USP7: variants seen among roughly 807,000 people sequenced by gnomAD.
USP7 encodes the protein ubiquitin specific peptidase 7.
USP7 carries 9 observed loss-of-function variants against 162.9 expected under a neutral mutation model. That is an observed-to-expected ratio of 0.06 (90% CI 0.03 to 0.10). The LOEUF is 0.10. Ranked by LOEUF, USP7 falls within the 10% of genes least tolerant of loss-of-function variation. The probability of loss-of-function intolerance (pLI) is 1.00; values close to 1 mark genes in which losing one functional copy is unlikely to be tolerated. For missense variants in USP7, 715 were observed against 1,373.7 expected, an observed-to-expected ratio of 0.52 and a Z score of 7.58; for synonymous variants, 562 against 475.9, an observed-to-expected ratio of 1.18 and a Z score of -2.35.
intron 2 of USP7, among the ~76,000 whole-genome samples, chr16:8,927,606 C>A (rs2141224535): frequency 6.6e-6 from 1 of 152,246 alleles, no homozygotes; most frequent in African/African-American, 2.4e-5. Context: ...GAAGCCAAGG[C>A]AGGTGGATCA....
chr16:8,897,238 C>G, intron 25 of USP7, 139 bp from the exon 26 acceptor site: 2 of 659,584 alleles, frequency 3.0e-6, no homozygotes, highest in South Asian at 3.6e-5. Flanking sequence ...CATTCCCACC[C>G]CAACTCCCTC....
intron 8 of USP7, 96 bp from the exon 9 acceptor site, chr16:8,915,621 AGTT>A: frequency 9.3e-7 from 1 of 1,073,464 alleles, no homozygotes; most frequent in Admixed American, 2.4e-5. Context: ...TGTTCAAAGA[AGTT>A]GTAGACTATA....
chr16:8,921,640 T>A (rs1419029814), intron 3 of USP7, among the ~76,000 whole-genome samples: 2 of 152,324 alleles, frequency 1.3e-5, no homozygotes, highest in East Asian at 3.9e-4. Context: ...CCTACAGCCC[T>A]TCAGTGCCAT....
chr16:8,921,397 T>C, intron 3 of USP7, 102 bp from the exon 4 acceptor site: 1 of 1,328,422 alleles, frequency 7.5e-7, no homozygotes, highest in Non-Finnish European at 1.0e-6. Context: ...CATTTATGAT[T>C]TCATTGCTCT....
At chr16:8,952,358 C>G (rs1324588098) in intron 1 of USP7, among the ~76,000 whole-genome samples, 4 of 152,244 alleles carry the variant, frequency 2.6e-5, no homozygotes, top group Non-Finnish European at 5.9e-5. Context: ...GCCACTTGCT[C>G]TGGGTGACCC....
chr16:8,956,840 C>A (rs933621168), intron 1 of USP7, among the ~76,000 whole-genome samples: 3 of 152,114 alleles, frequency 2.0e-5, no homozygotes, highest in Non-Finnish European at 4.4e-5. Context: ...AGAGCCCAGC[C>A]CCCCCGCAGG....
chr16:8,936,804 GAACAGAAGAGGATATTAATGGAAA>G (rs1898763168), intron 1 of USP7: 1 of 1,225,540 alleles, frequency 8.2e-7, no homozygotes, highest in African/African-American at 1.6e-5. Flanking sequence ...GGCAGTCCAG[GAACAGAAGAGGATATTAATGGAAA>G]AACTGGTGAA....
chr16:8,901,233 A>G lies in USP7; in HGVS notation c.2049T>C (p.His683=), dbSNP rs1319108250. ...GATLPKFDKD[H]DVMLFLKMYD... Reference sequence around the variant, plus strand: ...ACATCTTCAAAAATAACATTACATCATCTACAAGGTTAATAAACAAGTTTT... The same window carrying G: ...ACATCTTCAAAAATAACATTACATCGTCTACAAGGTTAATAAACAAGTTTT... The change falls in exon 19 of 31, where the codon CAT becomes CAC. Residue 683 remains histidine, a splice_region_variant and synonymous_variant. Transcript: ENST00000344836. The G allele has an allele frequency of 6.2e-6, 10 of 1,608,930 alleles. No individual in the cohort carries two copies. The highest frequency in any genetic ancestry group is 8.5e-6 in the Non-Finnish European group (10 of 1,175,506).
At chr16:8,959,356 C>CA (rs34434646) in intron 1 of USP7, among the ~76,000 whole-genome samples, 42,432 of 142,438 alleles carry the variant, frequency 0.3, 7,486 homozygotes, top group East Asian at 0.62. Flanking sequence ...AACACTAATT[C>CA]AAAAAAAAAA....
intron 26 of USP7, among the ~76,000 whole-genome samples, chr16:8,896,085 C>T (rs961175667): frequency 5.3e-5 from 8 of 151,784 alleles, no homozygotes; most frequent in African/African-American, 1.5e-4. Context: ...GTGATCCGCC[C>T]GCCTCGGCCT....
At chr16:8,928,578 G>A (rs1177028079) in intron 2 of USP7, among the ~76,000 whole-genome samples, 2 of 152,260 alleles carry the variant, frequency 1.3e-5, no homozygotes, top group South Asian at 2.1e-4. Flanking sequence ...GCTGCCCTCA[G>A]CTACAAGTTC....
chr16:8,897,058 G>T lies in USP7; in HGVS notation c.2760C>A (p.Asp920Glu). 1 of 1,614,038 alleles carries T rather than the reference G, an allele frequency of 6.2e-7. No homozygotes were observed. The highest frequency in any genetic ancestry group is 8.5e-7 in the Non-Finnish European group (1 of 1,179,980). Reference protein sequence around the residue: ...LYPDKHGCVRDLLEECKKAVE... With the variant: ...LYPDKHGCVRELLEECKKAVE... ...CGGCCTTTTTACATTCTTCTAACAG[G>T]TCCCGGACACACCCATGCTTGTCTG... The change falls in exon 26 of 31, where the codon GAC becomes GAA. Residue 920 changes from aspartate (D) to glutamate (E), a missense_variant. Asp to Glu is a conservative substitution (Grantham distance 45). Transcript: ENST00000344836.
chr16:8,950,552 T>C (rs1899502880), intron 1 of USP7, among the ~76,000 whole-genome samples: 1 of 152,204 alleles, frequency 6.6e-6, no homozygotes, highest in Non-Finnish European at 1.5e-5. Context: ...CTTTGATCAC[T>C]TGGGCTGGGA....
chr16:8,954,858 G>T (rs912617599), intron 1 of USP7, among the ~76,000 whole-genome samples: 3 of 152,288 alleles, frequency 2.0e-5, no homozygotes, highest in African/African-American at 7.2e-5. Context: ...TACTCAGGAG[G>T]CTGAGGCGGG....
At chr16:8,943,848 A>G (rs1467891714) in intron 1 of USP7, among the ~76,000 whole-genome samples, 1 of 152,248 alleles carries the variant, frequency 6.6e-6, no homozygotes, top group Non-Finnish European at 1.5e-5. Flanking sequence ...TGCTTCGTGC[A>G]CTGATGCACA....
intron 1 of USP7, chr16:8,936,574 C>G (rs975239590): frequency 6.5e-7 from 1 of 1,537,086 alleles, no homozygotes; most frequent in Non-Finnish European, 8.7e-7. Context: ...ACCTGAAAAC[C>G]TGACTCACCT....
At chr16:8,904,173 G>C (rs1420321923) in intron 15 of USP7, among the ~76,000 whole-genome samples, 3 of 152,210 alleles carry the variant, frequency 2.0e-5, no homozygotes, top group Non-Finnish European at 2.9e-5. Flanking sequence ...GTCCCGGTTT[G>C]TGTATCAGGA....
At chr16:8,957,775 A>C (rs12600147) in intron 1 of USP7, among the ~76,000 whole-genome samples, 95,842 of 150,866 alleles carry the variant, frequency 0.64, 33,095 homozygotes, top group East Asian at 0.88. Context: ...AAAAAAAAAC[A>C]AAAAAAAATT....
At chr16:8,907,507 A>G (rs2061879277) in intron 12 of USP7, among the ~76,000 whole-genome samples, 2 of 152,238 alleles carry the variant, frequency 1.3e-5, no homozygotes, top group Admixed American at 1.3e-4. Context: ...TGTATTCTAA[A>G]TCAGATAAGG....
Sources: gnomAD v4.1 joint callset for allele counts (sites outside exome capture counted in the v4.1 genomes callset) on GRCh38, gnomAD v4.1.1 for gene constraint, MANE v1.5 for transcripts, NCBI Gene and HGNC (gene_info 2026-07-23, HGNC 2026-07-21) for gene names.